The following PDE8A variants were observed in gnomAD, a reference collection of about 807,000 sequenced individuals.
PDE8A encodes phosphodiesterase 8A.
A neutral mutation model predicts 105.0 loss-of-function variants in PDE8A; 59 were observed. The ratio of observed to expected loss-of-function variants is 0.56; its 90% CI spans 0.46 to 0.70. The LOEUF is 0.70. Among genes scored for constraint, PDE8A ranks in the 30% least tolerant of loss-of-function variants. The probability of loss-of-function intolerance (pLI) is 0.00; values close to 1 mark genes in which losing one functional copy is unlikely to be tolerated. For missense variants in PDE8A, 1,014 were observed against 1,045.9 expected (o/e 0.97, Z 0.42); for synonymous variants, 355 against 371.9 (o/e 0.95, Z 0.52).
At chr15:85,007,358 C>A (rs1178392716) in intron 1 of PDE8A, among the ~76,000 whole-genome samples, 1 of 151,006 alleles carries the variant, frequency 6.6e-6, no homozygotes, top group Non-Finnish European at 1.5e-5. Flanking sequence ...GCAGGCAAAA[C>A]AGATCTGTGC....
chr15:85,024,674 C>T (rs565338332), intron 1 of PDE8A, among the ~76,000 whole-genome samples: 2 of 152,296 alleles, frequency 1.3e-5, no homozygotes, highest in Non-Finnish European at 1.5e-5. Context: ...CTTAGTCTTC[C>T]TTAGCTGCCC....
chr15:84,982,153 C>G lies in PDE8A; in HGVS notation c.-10C>G. On this transcript the variant is annotated 5_prime_UTR_variant, in exon 1 of 22. Coordinates refer to ENST00000394553, the MANE Select transcript of PDE8A (RefSeq NM_002605.3). ...CTACCCGCCAGCGTGTCCGCGGCGC[C>G]GCCGCCAGCATGGGCTGTGCCCCGA... 1 of 1,341,722 alleles carries G rather than the reference C, an allele frequency of 7.5e-7. No individual in the cohort carries two copies. The highest frequency in any genetic ancestry group is 9.5e-7 in the Non-Finnish European group (1 of 1,049,406). The allele number at this position is 1,341,722 out of a possible 1,614,324, so 83.1% of individuals were successfully genotyped here. A position where few individuals can be genotyped will look rare whatever the true frequency, so the allele number is the denominator to read the frequency against.
At chr15:85,110,495 G>A (rs995119803) in intron 12 of PDE8A, among the ~76,000 whole-genome samples, 5 of 152,162 alleles carry the variant, frequency 3.3e-5, no homozygotes, top group Admixed American at 1.3e-4. Flanking sequence ...TTGATGGCTA[G>A]CACCGTAAAT....
chr15:84,993,442 C>CAAAAAAAAAAAAAAAAAAAAAAAAAAAA (rs11362736), intron 1 of PDE8A, among the ~76,000 whole-genome samples: 1 of 73,116 alleles, frequency 1.4e-5, no homozygotes, highest in Non-Finnish European at 2.5e-5. Context: ...GACTCCATCT[C>CAAAAAAAAAAAAAAAAAAAAAAAAAAAA]AAAAAAAAAA....
At chr15:85,088,597 A>G (rs1206834049) in intron 6 of PDE8A, among the ~76,000 whole-genome samples, 2 of 152,244 alleles carry the variant, frequency 1.3e-5, no homozygotes, top group African/African-American at 2.4e-5. Context: ...TTGTGTGGAC[A>G]TAATGGGGCT....
At chr15:85,123,288 G>T in intron 19 of PDE8A, 95 bp downstream of exon 19, 1 of 1,144,606 alleles carries the variant, frequency 8.7e-7, no homozygotes, top group Non-Finnish European at 1.3e-6. Context: ...CCACAGAAGG[G>T]TTCCCTCAGT....
intron 12 of PDE8A, among the ~76,000 whole-genome samples, chr15:85,110,260 T>C (rs911695576): frequency 7.2e-5 from 11 of 152,224 alleles, no homozygotes; most frequent in African/African-American, 1.7e-4. Flanking sequence ...CACATGCTAA[T>C]GTTTGTTGAT....
At chr15:85,060,661 G>A (rs1327951745) in intron 1 of PDE8A, among the ~76,000 whole-genome samples, 3 of 152,112 alleles carry the variant, frequency 2.0e-5, no homozygotes, top group Non-Finnish European at 4.4e-5. Flanking sequence ...GTGCCCAAAA[G>A]CGTACACTAA....
chr15:85,136,040 C>A (rs1026096433), intron 20 of PDE8A, among the ~76,000 whole-genome samples: 5 of 152,104 alleles, frequency 3.3e-5, no homozygotes, highest in African/African-American at 1.2e-4. Flanking sequence ...AAGAACAGAT[C>A]TTTTTCTTTG....
At chr15:85,077,284 C>T (rs966943541) in intron 5 of PDE8A, among the ~76,000 whole-genome samples, 4 of 152,158 alleles carry the variant, frequency 2.6e-5, no homozygotes, top group African/African-American at 9.7e-5. Flanking sequence ...TCTTTCTCTC[C>T]ACTCCCAGCT....
chr15:84,993,240 A>T (rs8029936), intron 1 of PDE8A, among the ~76,000 whole-genome samples: 1 of 151,316 alleles, frequency 6.6e-6, no homozygotes, highest in Non-Finnish European at 1.5e-5. Flanking sequence ...TCAGGAGATC[A>T]AGACCATCCT....
rs1463694054 is a variant in PDE8A, at chr15:85,083,540, C to G, written c.547-16C>G. The G allele has an allele frequency of 6.5e-7, 1 of 1,527,722 alleles. No homozygotes were observed. Among genetic ancestry groups the G allele is most frequent in the South Asian group, 1.1e-5 (1 of 88,428 alleles). The allele number at this position is 1,527,722 out of a possible 1,614,324, so 94.6% of individuals were successfully genotyped here. On this transcript the variant is annotated splice_polypyrimidine_tract_variant and intron_variant, in intron 5 of 21. Transcript: ENST00000394553. ...GCACTTTTGTTTATCCACAAAATTC[C>G]TCTTTCTGTTTGTAGAGGTATGTAG...
intron 6 of PDE8A, among the ~76,000 whole-genome samples, chr15:85,085,085 C>G (rs2081529719): frequency 6.6e-6 from 1 of 152,150 alleles, no homozygotes; most frequent in African/African-American, 2.4e-5. Flanking sequence ...TGTTCCTGTT[C>G]TATGACACCC....
intron 1 of PDE8A, among the ~76,000 whole-genome samples, chr15:85,029,836 C>T (rs1431475638): frequency 6.6e-6 from 1 of 152,146 alleles, no homozygotes; most frequent in Non-Finnish European, 1.5e-5. Context: ...CATAAGAAGT[C>T]TAGAGTCTGG....
intron 1 of PDE8A, among the ~76,000 whole-genome samples, chr15:85,056,888 G>A (rs1440516099): frequency 1.3e-5 from 2 of 152,220 alleles, no homozygotes; most frequent in African/African-American, 4.8e-5. Flanking sequence ...GAGGAGAAGA[G>A]GCACTCCGAT....
intron 1 of PDE8A, among the ~76,000 whole-genome samples, chr15:85,016,140 A>T (rs1158603218): frequency 1.3e-5 from 2 of 152,204 alleles, no homozygotes; most frequent in African/African-American, 4.8e-5. Context: ...ACTTGGTCTC[A>T]AAATAAATAA....
intron 6 of PDE8A, among the ~76,000 whole-genome samples, chr15:85,085,103 G>T (rs1181195523): frequency 6.6e-6 from 1 of 152,070 alleles, no homozygotes; most frequent in African/African-American, 2.4e-5. Context: ...CCCCAGATAG[G>T]CACCCACTGC....
At chr15:85,046,942 TCAA>T (rs1428747339) in intron 1 of PDE8A, among the ~76,000 whole-genome samples, 2 of 152,190 alleles carry the variant, frequency 1.3e-5, no homozygotes, top group African/African-American at 2.4e-5. Flanking sequence ...AAAATGCAAA[TCAA>T]CACCATCATA....
intron 3 of PDE8A, among the ~76,000 whole-genome samples, chr15:85,073,554 G>T (rs1481630557): frequency 6.6e-6 from 1 of 152,178 alleles, no homozygotes; most frequent in Non-Finnish European, 1.5e-5. Flanking sequence ...TTGCCTACTT[G>T]CCATTACATC....
Sources: allele counts gnomAD v4.1 joint callset (sites outside exome capture counted in the v4.1 genomes callset), GRCh38; gene constraint gnomAD v4.1.1; transcripts MANE v1.5; gene names NCBI Gene and HGNC (gene_info 2026-07-23, HGNC 2026-07-21).